PHACTR1: variants seen among roughly 807,000 people sequenced by gnomAD.
PHACTR1 encodes RPEL repeat containing 1.
Under a neutral mutation model 69.2 loss-of-function variants are expected in PHACTR1, and 16 were observed. That is an observed-to-expected ratio of 0.23 (90% CI 0.16 to 0.35). The LOEUF (loss-of-function observed/expected upper bound fraction) is 0.35. PHACTR1 is among the 10% of genes least tolerant of loss of function. The probability of loss-of-function intolerance (pLI) is 1.00; values close to 1 mark genes in which losing one functional copy is unlikely to be tolerated. For missense variants in PHACTR1, 510 were observed against 734.7 expected (o/e 0.69, Z 3.54); for synonymous variants, 312 against 284.5 (o/e 1.10, Z -0.97).
intron 4 of PHACTR1, among the ~76,000 whole-genome samples, chr6:13,052,230 A>G (rs2127734383): frequency 6.6e-6 from 1 of 152,364 alleles, no homozygotes; most frequent in South Asian, 2.1e-4. Context: ...CTGCCACAGC[A>G]CACACTCAGA....
chr6:12,951,856 G>GT (rs1403712034), intron 4 of PHACTR1, among the ~76,000 whole-genome samples: 1 of 152,162 alleles, frequency 6.6e-6, no homozygotes, highest in Non-Finnish European at 1.5e-5. Context: ...AGCACCCGGT[G>GT]TATTTTCTAT....
rs550771117 is a variant in PHACTR1, at chr6:12,923,362, T to C, written c.251-130003T>C. Among the ~76,000 whole-genome samples the C allele has an allele frequency of 1.8e-4, 27 of 152,242 alleles. No homozygotes were observed. The South Asian group carries it at 3.5e-3, about 20-fold the overall frequency. ...TATGTAAGTTAATGTCATCCTCTAA[T>C]GAAATTTAGGATAAAATATTACATG... On this transcript the variant is annotated intron_variant, in intron 4 of 14. Transcript: ENST00000332995.
In PHACTR1 at chr6:12,829,964, A is replaced by AGAGAGAGAG. The variant is rs1777240400; in HGVS notation, c.250+80174_250+80175insGAGAGAGAG. Among the ~76,000 whole-genome samples the AGAGAGAGAG allele has an allele frequency of 2.0e-4, 20 of 99,944 alleles. 1 individual carries two copies. Among genetic ancestry groups the AGAGAGAGAG allele is most frequent in the South Asian group, 7.6e-4 (2 of 2,636 alleles). The allele number at this position is 99,944 out of a possible 152,430, so 65.6% of individuals were successfully genotyped here. On this transcript the variant is annotated intron_variant, in intron 4 of 14. Coordinates refer to ENST00000332995, the MANE Select transcript of PHACTR1 (RefSeq NM_030948.6). ...CAGAGCAAGACTCCGTCAAGAAAGA[A>AGAGAGAGAG]AGAGAGAGAGAGAGAGAGAGAGAGA...
chr6:12,937,205 T>G (rs1427655048), intron 4 of PHACTR1, among the ~76,000 whole-genome samples: 1 of 152,050 alleles, frequency 6.6e-6, no homozygotes, highest in African/African-American at 2.4e-5. Flanking sequence ...ATCATAGGGG[T>G]GCATAAACAC....
chr6:12,758,587 C>T (rs759546561), intron 4 of PHACTR1, among the ~76,000 whole-genome samples: 11 of 151,830 alleles, frequency 7.2e-5, no homozygotes, highest in South Asian at 2.1e-4. Flanking sequence ...ATTTTATCCA[C>T]GTGGAAATAA....
intron 5 of PHACTR1, among the ~76,000 whole-genome samples, chr6:13,105,189 G>A (rs543906997): frequency 1.8e-4 from 28 of 152,234 alleles, no homozygotes; most frequent in African/African-American, 6.7e-4. Flanking sequence ...ACCAGCCTGG[G>A]CAACACAGGG....
chr6:13,252,327 C>CAA lies in PHACTR1; in HGVS notation c.1392-20518_1392-20517dup, dbSNP rs373475742. On this transcript the variant is annotated intron_variant, in intron 10 of 14. Transcript: ENST00000332995. The stretch of plus-strand genomic sequence containing the variant: ...TGAGCAACGGAGCAAGATCCTGTCT[C>CAA]AAAAAAAAAAAAAAAAGAAAAAGGA... Among the ~76,000 whole-genome samples, 284 of 82,568 alleles carry CAA rather than the reference C, an allele frequency of 3.4e-3. 6 individuals carry two copies. In the East Asian group the frequency reaches 0.065, roughly 19 times the overall value. 54.2% of individuals were successfully genotyped at this position (82,568 alleles called of 152,430 possible). A position where few individuals can be genotyped will look rare whatever the true frequency, so the allele number is the denominator to read the frequency against.
At chr6:13,047,799 A>G (rs965685080) in intron 4 of PHACTR1, among the ~76,000 whole-genome samples, 2 of 152,080 alleles carry the variant, frequency 1.3e-5, no homozygotes, top group Non-Finnish European at 2.9e-5. Flanking sequence ...AGGCCAGCAG[A>G]AAGCCAAGGT....
At position 12,749,658 on chromosome 6, in the gene PHACTR1, C is replaced by T. The variant is rs1233449238; in HGVS notation, c.118C>T (p.Leu40=). 1 of 1,611,228 alleles carries T rather than the reference C, an allele frequency of 6.2e-7. No homozygotes were observed. Residue 40 remains leucine (L), a synonymous_variant, in exon 4 of 15, where the codon CTG becomes TTG. Coordinates refer to ENST00000332995, the MANE Select transcript of PHACTR1 (RefSeq NM_030948.6). ...SQGAQARRAT[L]LLPPTLMAAS... ...CTCCCTCTCAGCTCGCCGGGCGACC[C>T]TGCTCCTGCCTCCCACATTAATGGC...
At chr6:13,188,991 T>A (rs1449750094) in intron 7 of PHACTR1, among the ~76,000 whole-genome samples, 1 of 152,236 alleles carries the variant, frequency 6.6e-6, no homozygotes, top group Non-Finnish European at 1.5e-5. Context: ...CTCCTGCCTC[T>A]CTAAGTCATC....
intron 10 of PHACTR1, among the ~76,000 whole-genome samples, chr6:13,243,963 T>C (rs1584192169): frequency 6.6e-6 from 1 of 152,202 alleles, no homozygotes; most frequent in African/African-American, 2.4e-5. Flanking sequence ...TATTCCATGG[T>C]GTATATGTAC....
chr6:12,990,276 C>A (rs1215875957), intron 4 of PHACTR1, among the ~76,000 whole-genome samples: 1 of 152,140 alleles, frequency 6.6e-6, no homozygotes, highest in East Asian at 1.9e-4. Flanking sequence ...ACCATTCCAC[C>A]CACCCCCAGC....
intron 4 of PHACTR1, among the ~76,000 whole-genome samples, chr6:12,889,797 C>CTTTTT (rs4053036): frequency 1.5e-5 from 2 of 132,990 alleles, no homozygotes; most frequent in African/African-American, 5.7e-5. Flanking sequence ...CTCCTTCTTC[C>CTTTTT]TTTTTTTTTT....
intron 8 of PHACTR1, among the ~76,000 whole-genome samples, chr6:13,213,150 A>G (rs1054471515): frequency 2.0e-5 from 3 of 152,084 alleles, no homozygotes; most frequent in Admixed American, 2.0e-4. Flanking sequence ...AGAGCCTCTC[A>G]TAGCTGCAGT....
At chr6:12,886,645 G>A (rs1783672583) in intron 4 of PHACTR1, among the ~76,000 whole-genome samples, 2 of 152,136 alleles carry the variant, frequency 1.3e-5, no homozygotes, top group Non-Finnish European at 2.9e-5. Context: ...GGAAGAAAAG[G>A]AAACACCACA....
chr6:12,948,647 A>G (rs1199191875), intron 4 of PHACTR1, among the ~76,000 whole-genome samples: 1 of 152,078 alleles, frequency 6.6e-6, no homozygotes, highest in African/African-American at 2.4e-5. Flanking sequence ...TTAAACCCTG[A>G]CCCTGCCCGA....
intron 4 of PHACTR1, among the ~76,000 whole-genome samples, chr6:12,800,434 C>T (rs1326506692): frequency 6.6e-6 from 1 of 152,136 alleles, no homozygotes; most frequent in Non-Finnish European, 1.5e-5. Context: ...TTCCTAGACT[C>T]CAGTTAAACG....
intron 3 of PHACTR1, among the ~76,000 whole-genome samples, chr6:12,724,451 G>C (rs551622764): frequency 2.6e-5 from 4 of 152,236 alleles, no homozygotes; most frequent in Non-Finnish European, 4.4e-5. Context: ...CTATGCTCAT[G>C]TTGCAGACTA....
chr6:12,922,265 G>T (rs1000794658), intron 4 of PHACTR1, among the ~76,000 whole-genome samples: 2 of 152,144 alleles, frequency 1.3e-5, no homozygotes, highest in Admixed American at 6.5e-5. Flanking sequence ...AATAAAAAAT[G>T]ACTCTAAGAC....
Sources: allele counts gnomAD v4.1 joint callset (sites outside exome capture counted in the v4.1 genomes callset), GRCh38; gene constraint gnomAD v4.1.1; transcripts MANE v1.5; gene names NCBI Gene and HGNC (gene_info 2026-07-23, HGNC 2026-07-21).